ATM: variants seen among roughly 807,000 people sequenced by gnomAD.
ATM encodes ATM serine/threonine kinase, also known as serine-protein kinase ATM.
Under a neutral mutation model 387.0 loss-of-function variants are expected in ATM, and 308 were observed. The observed-to-expected ratio is 0.80, with a 90% CI of 0.73 to 0.87. The LOEUF is 0.87. ATM is among the 40% of genes least tolerant of loss of function. The pLI is 0.00. For missense variants in ATM, 3,312 were observed against 3,560.9 expected (o/e 0.93, Z 1.78); for synonymous variants, 1,156 against 1,187.3 (o/e 0.97, Z 0.54).
In ATM at chr11:108,243,920, AATC is replaced by A. The variant is rs1286091339; in HGVS notation, c.497-30_497-28del. On this transcript the variant is annotated intron_variant, in intron 5 of 62. Transcript: ENST00000675843. Reference sequence around the variant, plus strand: ...ATTTAATACATTTTGATTTTTAAAAAATCATGACTAATAATTTTTTTTTTTTTT... The same window carrying A: ...ATTTAATACATTTTGATTTTTAAAAAATGACTAATAATTTTTTTTTTTTTT... The A allele has an allele frequency of 4.0e-6, 6 of 1,502,942 alleles. No homozygotes were observed. In the Admixed American group the frequency reaches 8.3e-5, roughly 21 times the overall value. The allele number at this position is 1,502,942 out of a possible 1,614,324, so 93.1% of individuals were successfully genotyped here.
intron 31 of ATM, among the ~76,000 whole-genome samples, chr11:108,293,820 A>G (rs1298997249): frequency 2.0e-5 from 3 of 149,652 alleles, no homozygotes; most frequent in African/African-American, 4.9e-5. Flanking sequence ...CAAGGCTGCA[A>G]TAAGCCAAGA....
rs587781698 is a variant in ATM, at chr11:108,365,335, C to G, written c.8998C>G (p.Gln3000Glu). The G allele has an allele frequency of 6.2e-7, 1 of 1,614,144 alleles. No homozygotes were observed. Among genetic ancestry groups the G allele is most frequent in the Non-Finnish European group, 8.5e-7 (1 of 1,180,036 alleles). Residue 3000 changes from glutamine to glutamate, a missense_variant, in exon 63 of 63, where the codon CAG becomes GAG. Gln to Glu is a conservative substitution (Grantham distance 29). Coordinates refer to ENST00000675843, the MANE Select transcript of ATM (RefSeq NM_000051.4). ...ECKRNLSDID[Q>E]SFNKVAERVL... ...TGTTTTTGTCCTTAGTGATATTGACCAGAGTTTCAACAAAGTAGCTGAACG... is the reference window on the plus strand; with the variant it reads ...TGTTTTTGTCCTTAGTGATATTGACGAGAGTTTCAACAAAGTAGCTGAACG...
intron 34 of ATM, 110 bp downstream of exon 34, chr11:108,299,995 C>A: frequency 9.4e-7 from 1 of 1,067,758 alleles, no homozygotes; most frequent in Non-Finnish European, 1.4e-6. Flanking sequence ...TTTTTTAAAT[C>A]TCAGTGTCTT....
In ATM at chr11:108,365,175, C is replaced by T. The variant is rs1485620194; in HGVS notation, c.8944C>T (p.Pro2982Ser). The T allele has an allele frequency of 5.6e-6, 9 of 1,614,146 alleles. No homozygotes were observed. The highest frequency in any genetic ancestry group is 5.0e-5 in the Admixed American group (3 of 60,018). ...GCCGGAAGATGAAACTGAGCTTCAC[C>T]CTACTCTGAATGCAGATGACCAAGA... ...QRPEDETELH[P>S]TLNADDQECK... Residue 2982 changes from proline to serine, a missense_variant, in exon 62 of 63, where the codon CCT (proline) becomes TCT (serine). Pro to Ser is a moderately conservative substitution (Grantham distance 74, BLOSUM62 -1). This residue lies in a region of ATM where 95 missense variants were observed against 100.3 expected (regional missense o/e 0.95). Coordinates refer to ENST00000675843, the MANE Select transcript of ATM (RefSeq NM_000051.4).
chr11:108,315,955 T>C (rs2136124159), intron 41 of ATM, 44 bp downstream of exon 41: 1 of 1,607,596 alleles, frequency 6.2e-7, no homozygotes, highest in Non-Finnish European at 8.5e-7. Flanking sequence ...ATTCTGTTTA[T>C]GAAGGAGTTA....
chr11:108,296,647 GA>G (rs200224764), intron 32 of ATM, among the ~76,000 whole-genome samples: 2,069 of 152,268 alleles, frequency 0.014, 56 homozygotes, highest in African/African-American at 0.046. Flanking sequence ...TAATACATTT[GA>G]GATATATAAA....
chr11:108,248,895 A>G (rs2079984087), intron 8 of ATM, 38 bp from the exon 9 acceptor site: 1 of 1,557,132 alleles, frequency 6.4e-7, no homozygotes, highest in Non-Finnish European at 8.7e-7. Flanking sequence ...GCTCAAAAAA[A>G]AAAAAAAGAA....
chr11:108,254,824 T>G (rs1166205347), intron 13 of ATM, among the ~76,000 whole-genome samples: 1 of 152,086 alleles, frequency 6.6e-6, no homozygotes, highest in African/African-American at 2.4e-5. Context: ...AATTTTTGTA[T>G]TTTTAGTAGA....
At position 108,365,364 on chromosome 11, in the gene ATM, C is replaced by G. The variant is rs1200351979; in HGVS notation, c.9027C>G (p.Val3009=). 1.2e-6 allele frequency: 2 copies of G among 1,614,146 alleles called. No homozygotes were observed. Among genetic ancestry groups the G allele is most frequent in the Non-Finnish European group, 1.7e-6 (2 of 1,180,036 alleles). ...GTTTCAACAAAGTAGCTGAACGTGTCTTAATGAGACTACAAGAGAAACTGA... is the reference window on the plus strand; with the variant it reads ...GTTTCAACAAAGTAGCTGAACGTGTGTTAATGAGACTACAAGAGAAACTGA... ...DQSFNKVAER[V]LMRLQEKLKG... is the part of the protein sequence containing the mutation. The change falls in exon 63 of 63, where the codon GTC becomes GTG. Residue 3009 remains valine, a synonymous_variant. Transcript: ENST00000675843.
chr11:108,351,889 C>T (rs1468021692), intron 59 of ATM, among the ~76,000 whole-genome samples: 1 of 152,066 alleles, frequency 6.6e-6, no homozygotes, highest in Non-Finnish European at 1.5e-5. Context: ...TTTTTTCTGA[C>T]TCACTCCTTG....
At position 108,267,259 on chromosome 11, in the gene ATM, A is replaced by G. The variant is rs1265258461; in HGVS notation, c.2555A>G (p.Gln852Arg). Residue 852 changes from glutamine (Q) to arginine (R), a missense_variant, in exon 17 of 63, where the codon CAG (glutamine) becomes CGG (arginine). Around this residue, in one of 4 missense-constraint regions of ATM, gnomAD observed 1,791 missense variants for 1,804.5 expected, o/e 0.99. Coordinates refer to ENST00000675843, the MANE Select transcript of ATM (RefSeq NM_000051.4). ...TNGNLMEVED[Q>R]SSMNLFNDYP... The stretch of plus-strand genomic sequence containing the variant: ...GGAAATCTAATGGAGGTGGAGGATC[A>G]GTCATCCATGAATCTATTTAACGAT... 1 of 1,614,058 alleles carries G rather than the reference A, an allele frequency of 6.2e-7. No homozygotes were observed. Among genetic ancestry groups the G allele is most frequent in the East Asian group, 2.2e-5 (1 of 44,874 alleles).
chr11:108,339,994 G>A (rs1591225966), intron 56 of ATM, among the ~76,000 whole-genome samples: 1 of 152,160 alleles, frequency 6.6e-6, no homozygotes, highest in Admixed American at 6.5e-5. Context: ...ACTCTACTGA[G>A]TGCTAGGTCT....
rs1348725398 is a variant in ATM at position 108,367,704 on chromosome 11, G to C, written c.*2196G>C. ...CAATGGCAGGCACTCATTCATATTTGATCTCCTCACCTTCCCCTCCCCTAA... is the reference window on the plus strand; with the variant it reads ...CAATGGCAGGCACTCATTCATATTTCATCTCCTCACCTTCCCCTCCCCTAA... On this transcript the variant is annotated 3_prime_UTR_variant, in exon 63 of 63. Coordinates refer to ENST00000675843, the MANE Select transcript of ATM (RefSeq NM_000051.4). 4 of 215,666 alleles carry C rather than the reference G, an allele frequency of 1.9e-5. No individual in the cohort carries two copies. Among genetic ancestry groups the C allele is most frequent in the Non-Finnish European group, 3.7e-5 (4 of 106,906 alleles). The allele number at this position is 215,666 out of a possible 1,614,324, so 13.4% of individuals were successfully genotyped here.
chr11:108,236,548 A>G (rs900805802), intron 5 of ATM: 1 of 152,176 alleles, frequency 6.6e-6, no homozygotes, highest in East Asian at 1.9e-4. Flanking sequence ...AAAAAAAAAA[A>G]AAGTGAAAGC....
intron 51 of ATM, 61 bp downstream of exon 51, chr11:108,331,618 A>T (rs1024313320): frequency 9.2e-6 from 13 of 1,411,294 alleles, no homozygotes; most frequent in Non-Finnish European, 1.2e-5. Context: ...ACTATATATT[A>T]TATAAAGTAT....
chr11:108,238,903 C>T (rs2079428313), intron 5 of ATM, among the ~76,000 whole-genome samples: 1 of 152,116 alleles, frequency 6.6e-6, no homozygotes, highest in South Asian at 2.1e-4. Flanking sequence ...GTAATCATCT[C>T]CACCATCCAT....
chr11:108,289,686 A>C lies in ATM; in HGVS notation c.4321A>C (p.Ile1441Leu), dbSNP rs774886013. 11 of 1,613,600 alleles carry C rather than the reference A, an allele frequency of 6.8e-6. No individual in the cohort carries two copies. The highest frequency in any genetic ancestry group is 9.3e-6 in the Non-Finnish European group (11 of 1,179,860). Residue 1441 changes from isoleucine (I) to leucine (L), a missense_variant, in exon 29 of 63, where the codon ATA becomes CTA. Ile to Leu is a conservative substitution (Grantham distance 5). Around this residue, in one of 4 missense-constraint regions of ATM, gnomAD observed 1,791 missense variants for 1,804.5 expected, o/e 0.99. Coordinates refer to ENST00000675843, the MANE Select transcript of ATM (RefSeq NM_000051.4). ...NVYKKHRILK[I>L]YHLFVSLLLK... ...TTATAAGAAGCACAGAATTCTTAAA[A>C]TATATCACCTGTTTGTTAGTTTATT...
chr11:108,273,477 G>T (rs2081740236), intron 22 of ATM, among the ~76,000 whole-genome samples: 1 of 151,266 alleles, frequency 6.6e-6, no homozygotes, highest in Non-Finnish European at 1.5e-5. Context: ...GAGTAGCTGG[G>T]ATTACAGGCG....
At chr11:108,228,475 A>G (rs2078851532) in intron 3 of ATM, among the ~76,000 whole-genome samples, 1 of 152,222 alleles carries the variant, frequency 6.6e-6, no homozygotes, top group African/African-American at 2.4e-5. Context: ...AAAGATGAAT[A>G]AAGTATTTTA....
Sources: allele counts gnomAD v4.1 joint callset (sites outside exome capture counted in the v4.1 genomes callset), GRCh38; gene constraint gnomAD v4.1.1; regional missense constraint gnomAD v4.1.1; transcripts MANE v1.5; gene names NCBI Gene and HGNC (gene_info 2026-07-23, HGNC 2026-07-21).